The following THRB variants were observed in gnomAD, a reference collection of about 807,000 sequenced individuals.
The protein encoded by THRB is nuclear receptor subfamily 1 group A member 2.
Under a neutral mutation model 47.8 loss-of-function variants are expected in THRB, and 12 were observed. The ratio of observed to expected loss-of-function variants is 0.25; its 90% CI spans 0.16 to 0.41. The LOEUF (loss-of-function observed/expected upper bound fraction) is 0.41, where lower values mean the gene tolerates loss of function less well. THRB is among the 10% of genes least tolerant of loss of function. The probability of loss-of-function intolerance (pLI) is 1.00; values close to 1 mark genes in which losing one functional copy is unlikely to be tolerated. For synonymous variants in THRB, 218 were observed against 212.2 expected (o/e 1.03, Z -0.24); for missense variants, 348 against 589.2 (o/e 0.59, Z 4.24).
intron 2 of THRB, among the ~76,000 whole-genome samples, chr3:24,330,778 T>C (rs1269530936): frequency 6.6e-6 from 1 of 152,048 alleles, no homozygotes; most frequent in East Asian, 1.9e-4. Context: ...TGGGAAAAAA[T>C]AGAGCTCACA....
intron 2 of THRB, among the ~76,000 whole-genome samples, chr3:24,303,937 A>T (rs1435912458): frequency 6.6e-6 from 1 of 152,066 alleles, no homozygotes; most frequent in African/African-American, 2.4e-5. Flanking sequence ...CCAGGAATAA[A>T]TTTTTCTTGA....
intron 3 of THRB, among the ~76,000 whole-genome samples, chr3:24,275,400 C>G (rs1291177752): frequency 6.6e-6 from 1 of 152,202 alleles, no homozygotes; most frequent in African/African-American, 2.4e-5. Flanking sequence ...TCAGGACACT[C>G]TGAACTTTCT....
chr3:24,276,079 G>T (rs561721740), intron 3 of THRB, among the ~76,000 whole-genome samples: 31 of 149,884 alleles, frequency 2.1e-4, no homozygotes, highest in Middle Eastern at 6.8e-3. Context: ...CCATGCTCTT[G>T]TAGACAGCCT....
At chr3:24,345,585 A>AT (rs2062962444) in intron 1 of THRB, among the ~76,000 whole-genome samples, 2 of 152,164 alleles carry the variant, frequency 1.3e-5, no homozygotes, top group South Asian at 2.1e-4. Context: ...TGAGGATTAA[A>AT]TTAGTAAGTT....
chr3:24,322,656 T>C (rs2058559563), intron 2 of THRB, among the ~76,000 whole-genome samples: 1 of 152,224 alleles, frequency 6.6e-6, no homozygotes, highest in African/African-American at 2.4e-5. Context: ...AATGTATAGT[T>C]GCTCAGGTGC....
intron 9 of THRB, among the ~76,000 whole-genome samples, chr3:24,131,078 T>G (rs2033784711): frequency 6.6e-6 from 1 of 152,232 alleles, no homozygotes; most frequent in Admixed American, 6.5e-5. Context: ...AAAAATTTAT[T>G]GAGCTGCACT....
At chr3:24,394,205 G>C (rs71328478) in intron 1 of THRB, among the ~76,000 whole-genome samples, 21,673 of 152,068 alleles carry the variant, frequency 0.14, 1,959 homozygotes, top group Middle Eastern at 0.25. Context: ...TATTTGCCCA[G>C]AGCCTTTATG....
chr3:24,377,371 T>G (rs771206811), intron 1 of THRB, among the ~76,000 whole-genome samples: 2 of 152,142 alleles, frequency 1.3e-5, no homozygotes, highest in Admixed American at 1.3e-4. Flanking sequence ...ATGACCCAAG[T>G]TGGGCCAGTG....
chr3:24,418,572 G>C (rs1043687444), intron 1 of THRB, among the ~76,000 whole-genome samples: 2 of 151,824 alleles, frequency 1.3e-5, no homozygotes, highest in Non-Finnish European at 2.9e-5. Context: ...TAAAGCAATG[G>C]TTCTCCCACT....
At chr3:24,304,996 T>A (rs528023166) in intron 2 of THRB, among the ~76,000 whole-genome samples, 1 of 152,324 alleles carries the variant, frequency 6.6e-6, no homozygotes, top group East Asian at 1.9e-4. Flanking sequence ...ATTAAAAGTC[T>A]ATCATTTAAA....
chr3:24,489,508 C>T (rs1033166843), intron 1 of THRB, among the ~76,000 whole-genome samples: 30 of 152,140 alleles, frequency 2.0e-4, no homozygotes, highest in Non-Finnish European at 1.5e-5. Context: ...TTAGGACTGA[C>T]TGTCATGATG....
chr3:24,171,287 G>A (rs1446025725), intron 5 of THRB, among the ~76,000 whole-genome samples: 4 of 152,052 alleles, frequency 2.6e-5, no homozygotes, highest in East Asian at 1.9e-4. Context: ...TGGAATCTTC[G>A]GACTCATTGC....
At chr3:24,289,639 G>A (rs1485441229) in intron 3 of THRB, among the ~76,000 whole-genome samples, 1 of 152,178 alleles carries the variant, frequency 6.6e-6, no homozygotes, top group African/African-American at 2.4e-5. Flanking sequence ...TATTATAGCA[G>A]CTACTCAAAG....
intron 1 of THRB, among the ~76,000 whole-genome samples, chr3:24,482,046 T>C: frequency 6.6e-6 from 1 of 152,120 alleles, no homozygotes; most frequent in Non-Finnish European, 1.5e-5. Flanking sequence ...ACAGTAACAA[T>C]TTAAAACTAA....
chr3:24,220,497 A>C (rs2047041055), intron 4 of THRB, among the ~76,000 whole-genome samples: 1 of 152,136 alleles, frequency 6.6e-6, no homozygotes, highest in Non-Finnish European at 1.5e-5. Flanking sequence ...TCTCAAAAAG[A>C]AAGCTCCCAG....
chr3:24,481,326 A>C (rs1251347729), intron 1 of THRB, among the ~76,000 whole-genome samples: 2 of 145,424 alleles, frequency 1.4e-5, no homozygotes, highest in Admixed American at 7.1e-5. Context: ...GCAGGACAGC[A>C]GGGCCTTGTA....
At chr3:24,273,062 G>T (rs1271564010) in intron 3 of THRB, among the ~76,000 whole-genome samples, 3 of 152,022 alleles carry the variant, frequency 2.0e-5, no homozygotes, top group Non-Finnish European at 4.4e-5. Context: ...GGAAGAATCC[G>T]TGTGAAGCAT....
intron 1 of THRB, among the ~76,000 whole-genome samples, chr3:24,338,977 G>C (rs1327059333): frequency 1.3e-5 from 2 of 152,138 alleles, no homozygotes; most frequent in Non-Finnish European, 2.9e-5. Context: ...TGAAGACCAA[G>C]GCAATTAAGA....
At chr3:24,490,580 G>C (rs1370244894) in intron 1 of THRB, among the ~76,000 whole-genome samples, 1 of 152,132 alleles carries the variant, frequency 6.6e-6, no homozygotes, top group Non-Finnish European at 1.5e-5. Flanking sequence ...AACAGAAATG[G>C]AAACAAACTG....
Sources: allele counts gnomAD v4.1 joint callset (sites outside exome capture counted in the v4.1 genomes callset), GRCh38; gene constraint gnomAD v4.1.1; transcripts MANE v1.5; gene names NCBI Gene and HGNC (gene_info 2026-07-23, HGNC 2026-07-21).